NEO1: variants seen among roughly 807,000 people sequenced by gnomAD.
NEO1 encodes neogenin.
A neutral mutation model predicts 159.7 loss-of-function variants in NEO1; 63 were observed. The ratio of observed to expected loss-of-function variants is 0.39; its 90% CI spans 0.32 to 0.49. The LOEUF is 0.49. Among genes scored for constraint, NEO1 ranks in the 20% least tolerant of loss-of-function variants. The pLI, the probability that NEO1 is intolerant of heterozygous loss-of-function variation, is 0.85. For synonymous variants in NEO1, 633 were observed against 662.0 expected, an observed-to-expected ratio of 0.96 and a Z score of 0.67; for missense variants, 1,615 against 1,831.0, an observed-to-expected ratio of 0.88 and a Z score of 2.15.
intron 3 of NEO1, 142 bp downstream of exon 3, chr15:73,122,942 G>T: frequency 9.8e-7 from 1 of 1,019,192 alleles, no homozygotes; most frequent in Non-Finnish European, 1.4e-6. Context: ...GGTTGAAGCG[G>T]GTGGATCACC....
intron 8 of NEO1, among the ~76,000 whole-genome samples, chr15:73,240,996 A>G (rs1018572526): frequency 6.6e-6 from 1 of 152,230 alleles, no homozygotes; most frequent in Non-Finnish European, 1.5e-5. Flanking sequence ...TGTGGTAAGA[A>G]TTCAATGTGA....
At chr15:73,099,892 ACTG>A (rs752089219) in intron 1 of NEO1, among the ~76,000 whole-genome samples, 20 of 152,112 alleles carry the variant, frequency 1.3e-4, no homozygotes, top group Non-Finnish European at 2.8e-4. Flanking sequence ...CTCTTATAAA[ACTG>A]CTGCTTTTTC....
intron 7 of NEO1, among the ~76,000 whole-genome samples, chr15:73,201,916 CA>C (rs2036914243): frequency 6.7e-6 from 1 of 149,548 alleles, no homozygotes; most frequent in Non-Finnish European, 1.5e-5. Flanking sequence ...AAAGGTATTC[CA>C]TCTTTCTTTT....
chr15:73,206,373 C>G (rs2037225350), intron 7 of NEO1, among the ~76,000 whole-genome samples: 1 of 151,984 alleles, frequency 6.6e-6, no homozygotes, highest in African/African-American at 2.4e-5. Context: ...GATTGTTTAG[C>G]TTTCTATACA....
chr15:73,288,832 CTG>C (rs972704315), intron 24 of NEO1, among the ~76,000 whole-genome samples: 3 of 152,132 alleles, frequency 2.0e-5, no homozygotes, highest in Non-Finnish European at 4.4e-5. Flanking sequence ...TAGCCCATGT[CTG>C]TGCATTTCAT....
chr15:73,059,304 C>G (rs1449672638), intron 1 of NEO1, among the ~76,000 whole-genome samples: 4 of 152,174 alleles, frequency 2.6e-5, no homozygotes, highest in Non-Finnish European at 4.4e-5. Flanking sequence ...TTCTTCAGTT[C>G]TGAGGAGTTA....
At chr15:73,105,739 G>A (rs569476148) in intron 1 of NEO1, among the ~76,000 whole-genome samples, 2 of 152,080 alleles carry the variant, frequency 1.3e-5, no homozygotes, top group African/African-American at 2.4e-5. Context: ...TTGGATTTGT[G>A]TAATTATTTT....
Position 73,278,174 on chromosome 15 carries a change from A to G in NEO1, c.3237A>G (p.Gly1079=). 1 of 1,613,158 alleles carries G rather than the reference A, an allele frequency of 6.2e-7. No individual in the cohort carries two copies. The highest frequency in any genetic ancestry group is 8.5e-7 in the Non-Finnish European group (1 of 1,179,284). The change falls in exon 22 of 29, where the codon GGA becomes GGG. Residue 1079 remains glycine, a synonymous_variant. Transcript: ENST00000261908. ...GGKGSRLPDL[G]SDYKPPMSGS... ...AAGGAAGCCGGCTGCCAGACCTAGG[A>G]TCCGACTACAAACCTCCAATGAGCG...
At chr15:73,115,447 A>C (rs2071254405) in intron 1 of NEO1, among the ~76,000 whole-genome samples, 1 of 152,232 alleles carries the variant, frequency 6.6e-6, no homozygotes, top group Non-Finnish European at 1.5e-5. Flanking sequence ...AAAACAATTG[A>C]ATGTTATTTC....
chr15:73,236,464 A>C lies in NEO1; in HGVS notation c.1409A>C (p.Asn470Thr). Residue 470 changes from asparagine to threonine, a missense_variant, in exon 8 of 29, where the codon AAC becomes ACC. By Grantham distance (65) the Asn-to-Thr change is moderately conservative. Coordinates refer to ENST00000261908, the MANE Select transcript of NEO1 (RefSeq NM_002499.4). ...RTPASDPHGD[N>T]LTYSVFYTKE... ...CCTGCATCAGATCCTCACGGAGACAACCTTACCTACTCTGTGTTCTACACC... is the reference window on the plus strand; with the variant it reads ...CCTGCATCAGATCCTCACGGAGACACCCTTACCTACTCTGTGTTCTACACC... 1 of 1,614,118 alleles carries C rather than the reference A, an allele frequency of 6.2e-7. No individual in the cohort carries two copies. The highest frequency in any genetic ancestry group is 1.1e-5 in the South Asian group (1 of 91,078).
chr15:73,283,027 T>C lies in NEO1; in HGVS notation c.3326T>C (p.Ile1109Thr), dbSNP rs760222614. 3 of 1,614,062 alleles carry C rather than the reference T, an allele frequency of 1.9e-6. No individual in the cohort carries two copies. In the African/African-American group the frequency reaches 4.0e-5, roughly 22 times the overall value. The part of the protein sequence containing the change: ...PLDSNMLLVI[I>T]VSVGVITIVV... The stretch of plus-strand genomic sequence containing the variant: ...GACAGTAATATGCTGCTGGTCATAA[T>C]TGTTTCTGTTGGCGTCATCACCATC... Residue 1109 changes from isoleucine to threonine, a missense_variant, in exon 23 of 29, where the codon ATT becomes ACT. Physicochemically the swap from Ile to Thr is moderately conservative, Grantham distance 89. Coordinates refer to ENST00000261908, the MANE Select transcript of NEO1 (RefSeq NM_002499.4).
chr15:73,277,703 T>A (rs1264142354), intron 21 of NEO1, among the ~76,000 whole-genome samples: 1 of 152,204 alleles, frequency 6.6e-6, no homozygotes, highest in Non-Finnish European at 1.5e-5. Context: ...GGTATTAGTA[T>A]CCACATAGCC....
intron 15 of NEO1, among the ~76,000 whole-genome samples, chr15:73,264,553 A>G (rs1012623909): frequency 2.6e-5 from 4 of 152,246 alleles, no homozygotes; most frequent in Non-Finnish European, 4.4e-5. Context: ...TAGCAAAAAA[A>G]TTAATGCAGC....
chr15:73,247,119 G>GT (rs2039834752), intron 9 of NEO1, among the ~76,000 whole-genome samples: 1 of 152,216 alleles, frequency 6.6e-6, no homozygotes. Flanking sequence ...ACAGGTTCTG[G>GT]TGAGGGTATT....
Position 73,176,556 on chromosome 15 carries a change from T to C in NEO1, c.1169T>C (p.Val390Ala). ...ATCCCAAGTGATTATTTTAAGATTG[T>C]AGTAAGTATTTTTCAAAGAAGTGTG... is the stretch of plus-strand genomic sequence containing the variant. ...MVIPSDYFKI[V>A]KEHNLQVLGL... is the part of the protein sequence containing the mutation. Residue 390 changes from valine to alanine, a missense_variant and splice_region_variant, in exon 6 of 29, where the codon GTA becomes GCA. Physicochemically the swap from Val to Ala is moderately conservative, Grantham distance 64 (BLOSUM62 0). This residue lies in a region of NEO1 where 1,018 missense variants were observed against 1,115.4 expected (regional missense o/e 0.91). Coordinates refer to ENST00000261908, the MANE Select transcript of NEO1 (RefSeq NM_002499.4). 13 of 1,603,658 alleles carry C rather than the reference T, an allele frequency of 8.1e-6. No individual in the cohort carries two copies. The highest frequency in any genetic ancestry group is 1.1e-5 in the Non-Finnish European group (13 of 1,175,610).
chr15:73,100,048 A>G (rs2070312823), intron 1 of NEO1, among the ~76,000 whole-genome samples: 1 of 152,114 alleles, frequency 6.6e-6, no homozygotes, highest in Admixed American at 6.5e-5. Flanking sequence ...ATTGTTCTCG[A>G]TAATTTTTAT....
At chr15:73,254,856 G>C (rs1371039545) in intron 13 of NEO1, 27 bp downstream of exon 13, 1 of 1,600,658 alleles carries the variant, frequency 6.2e-7, no homozygotes, top group Non-Finnish European at 8.5e-7. Flanking sequence ...AAAGGCAAAA[G>C]GTACACTGTG....
chr15:73,158,208 C>CTTGTT (rs2033918339), intron 5 of NEO1, among the ~76,000 whole-genome samples: 1 of 82,550 alleles, frequency 1.2e-5, no homozygotes, highest in African/African-American at 4.5e-5. Flanking sequence ...GAGTGAGACT[C>CTTGTT]TTTTTTTTTT....
intron 16 of NEO1, among the ~76,000 whole-genome samples, chr15:73,268,197 T>C (rs1193495954): frequency 6.6e-6 from 1 of 152,206 alleles, no homozygotes; most frequent in South Asian, 2.1e-4. Context: ...AGAAATAGCT[T>C]TAGTATTACA....
Sources: allele counts gnomAD v4.1 joint callset (sites outside exome capture counted in the v4.1 genomes callset), GRCh38; gene constraint gnomAD v4.1.1; regional missense constraint gnomAD v4.1.1; transcripts MANE v1.5; gene names NCBI Gene and HGNC (gene_info 2026-07-23, HGNC 2026-07-21).